The following KIF21B variants were observed in gnomAD, a reference collection of about 807,000 sequenced individuals.
The protein encoded by KIF21B is kinesin-like protein KIF21B.
KIF21B carries 85 observed loss-of-function variants against 192.9 expected under a neutral mutation model. The ratio of observed to expected loss-of-function variants is 0.44; its 90% CI spans 0.37 to 0.53. The LOEUF (loss-of-function observed/expected upper bound fraction) is 0.53, where lower values mean the gene tolerates loss of function less well. Ranked by LOEUF, KIF21B falls within the 20% of genes least tolerant of loss-of-function variation. The pLI, the probability that KIF21B is intolerant of heterozygous loss-of-function variation, is 0.00. For missense variants in KIF21B, 1,716 were observed against 2,194.8 expected (o/e 0.78, Z 4.36); for synonymous variants, 832 against 884.6 (o/e 0.94, Z 1.05).
At position 200,999,779 on chromosome 1, in the gene KIF21B, A is replaced by G; in HGVS notation, c.1767+104T>C. ...CAAGGATCAACTGGATGCAGACCCA[A>G]CCGCCTCCTTCACTCCATACAAGGA... is the stretch of plus-strand genomic sequence containing the variant. On this transcript the variant is annotated intron_variant, in intron 12 of 34. Transcript: ENST00000461742. This position sits in a 1 kb window ranked among gnomAD's most constrained non-coding sequence, Gnocchi z 4.7. 1 of 1,156,964 alleles carries G rather than the reference A, an allele frequency of 8.6e-7. No homozygotes were observed. Among genetic ancestry groups the G allele is most frequent in the Non-Finnish European group, 1.3e-6 (1 of 776,852 alleles). The allele number at this position is 1,156,964 out of a possible 1,614,324, so 71.7% of individuals were successfully genotyped here. A position where few individuals can be genotyped will look rare whatever the true frequency, so the allele number is the denominator to read the frequency against.
chr1:201,010,001 C>T (rs1009403805), intron 1 of KIF21B, among the ~76,000 whole-genome samples: 3 of 152,172 alleles, frequency 2.0e-5, no homozygotes, highest in African/African-American at 7.2e-5. Flanking sequence ...AAGCACAGGG[C>T]CAGGGCGGGG....
intron 27 of KIF21B, 66 bp downstream of exon 27, chr1:200,984,793 G>A (rs1362513134): frequency 3.2e-6 from 4 of 1,243,770 alleles, no homozygotes; most frequent in Non-Finnish European, 3.3e-6. Context: ...CTCCAGCAAG[G>A]ACCATCCACA....
At chr1:200,974,299 C>A in intron 34 of KIF21B, 1 of 1,348,912 alleles carries the variant, frequency 7.4e-7, no homozygotes, top group South Asian at 1.5e-5. Context: ...CCATCTGAGT[C>A]GCACCCCATG....
rs778478640 is a variant in KIF21B at position 201,000,757 on chromosome 1, C to T, written c.1426G>A (p.Ala476Thr). Residue 476 changes from alanine (A) to threonine (T), a missense_variant, in exon 10 of 35, where the codon GCG becomes ACG. Physicochemically the swap from Ala to Thr is moderately conservative, Grantham distance 58. This residue lies in a region of KIF21B where 1,087 missense variants were observed against 1,316.6 expected (regional missense o/e 0.83). Transcript: ENST00000461742. This position sits in a 1 kb window ranked among gnomAD's most constrained non-coding sequence, Gnocchi z 6.0. ...TCCCGGATGTAGTTCTGGATCAGCG[C>T]ACCAATGGCCTCATTGCCATCGCCT... Reference protein sequence around the residue: ...KAGDGNEAIGALIQNYIREIE... With the variant: ...KAGDGNEAIGTLIQNYIREIE... The T allele has an allele frequency of 2.0e-5, 33 of 1,614,244 alleles. No individual in the cohort carries two copies. The highest frequency in any genetic ancestry group is 2.8e-5 in the Non-Finnish European group (33 of 1,180,030).
intron 16 of KIF21B, among the ~76,000 whole-genome samples, 181 bp from the exon 17 acceptor site, chr1:200,991,906 C>T (rs962735338): frequency 3.9e-5 from 6 of 152,278 alleles, no homozygotes; most frequent in African/African-American, 1.2e-4. Context: ...GCAGTGAAAA[C>T]TGCTTTCTCC....
At chr1:200,979,499 C>A (rs1655773829) in intron 30 of KIF21B, 36 bp downstream of exon 30, 1 of 1,489,572 alleles carries the variant, frequency 6.7e-7, no homozygotes, top group Non-Finnish European at 9.0e-7. Flanking sequence ...CAGCCTGCTG[C>A]AGCCGACCAC....
At position 200,991,736 on chromosome 1, in the gene KIF21B, CAG is replaced by C; in HGVS notation, c.2386-13_2386-12del. The C allele has an allele frequency of 6.2e-7, 1 of 1,613,860 alleles. No individual in the cohort carries two copies. Among genetic ancestry groups the C allele is most frequent in the Non-Finnish European group, 8.5e-7 (1 of 1,179,902 alleles). On this transcript the variant is annotated splice_polypyrimidine_tract_variant and intron_variant, in intron 16 of 34. Coordinates refer to ENST00000461742, the MANE Select transcript of KIF21B (RefSeq NM_001252102.2). ...AGCTCGGATCTGAAACTGTGGGAGACAGAAGAGGGCTGGGCTCCACACTCAGG... is the reference window on the plus strand; with the variant it reads ...AGCTCGGATCTGAAACTGTGGGAGACAAGAGGGCTGGGCTCCACACTCAGG...
chr1:200,991,507 C>A, intron 17 of KIF21B, 150 bp downstream of exon 17: 1 of 789,540 alleles, frequency 1.3e-6, no homozygotes. Flanking sequence ...CTTGCTTCCC[C>A]TCCCTGCCGG....
intron 9 of KIF21B, chr1:201,001,894 C>T (rs1657519657): frequency 2.0e-6 from 1 of 495,454 alleles, no homozygotes; most frequent in African/African-American, 1.9e-5. Flanking sequence ...GTAGAGAGGG[C>T]TTGGGGTGGA....
At position 201,008,772 on chromosome 1, in the gene KIF21B, C is replaced by A. The variant is rs1658059820; in HGVS notation, c.444G>T (p.Leu148=). ...GPEFKVSAQF[L]ELYNEEILDL... is the part of the protein sequence containing the mutation. ...CCACCCTATGGGGCCACAGTACCTC[C>A]AGAAACTGGGCGCTGACTTTGAACT... The change falls in exon 3 of 35, where the codon CTG becomes CTT. Residue 148 remains leucine, a synonymous_variant. Coordinates refer to ENST00000461742, the MANE Select transcript of KIF21B (RefSeq NM_001252102.2). The A allele has an allele frequency of 6.3e-7, 1 of 1,596,592 alleles. No individual in the cohort carries two copies. The highest frequency in any genetic ancestry group is 1.7e-5 in the Admixed American group (1 of 59,516).
intron 14 of KIF21B, among the ~76,000 whole-genome samples, chr1:200,997,494 C>A (rs1657145958): frequency 6.6e-6 from 1 of 152,228 alleles, no homozygotes; most frequent in Non-Finnish European, 1.5e-5. Context: ...CCTGTAATCC[C>A]AGCACTTTGG....
Position 200,987,029 on chromosome 1 carries a change from C to T in KIF21B, c.3581G>A (p.Arg1194His), listed in dbSNP as rs375407145. 87 of 1,613,930 alleles carry T rather than the reference C, an allele frequency of 5.4e-5. No individual in the cohort carries two copies. The highest frequency in any genetic ancestry group is 4.0e-5 in the African/African-American group (3 of 74,870). Residue 1194 changes from arginine (R) to histidine (H), a missense_variant, in exon 25 of 35, where the codon CGC becomes CAC. This residue lies in a region of KIF21B where 580 missense variants were observed against 775.5 expected (regional missense o/e 0.75). Transcript: ENST00000461742. ...RDPYYRDRVS[R>H]TVSLPTRGST... ...GCCCCGGGTAGGCAGACTGACGGTG[C>T]GCGAGACCCTGTCCCGGTAATAGGG... is the stretch of plus-strand genomic sequence containing the variant.
chr1:201,013,500 G>A (rs984357994), intron 1 of KIF21B, among the ~76,000 whole-genome samples: 2 of 152,164 alleles, frequency 1.3e-5, no homozygotes, highest in South Asian at 2.1e-4. Flanking sequence ...TGGGAGGGGG[G>A]TCAAGGATCT....
At chr1:200,981,265 C>A (rs187090542) in intron 28 of KIF21B, among the ~76,000 whole-genome samples, 169 bp from the exon 29 acceptor site, 1 of 152,234 alleles carries the variant, frequency 6.6e-6, no homozygotes, top group Non-Finnish European at 1.5e-5. Context: ...GAGCCGGGAA[C>A]GGGCTACACA....
Position 201,008,845 on chromosome 1 carries a change from A to G in KIF21B, c.371T>C (p.Ile124Thr). 1 of 1,610,004 alleles carries G rather than the reference A, an allele frequency of 6.2e-7. No homozygotes were observed. The highest frequency in any genetic ancestry group is 8.5e-7 in the Non-Finnish European group (1 of 1,179,988). Residue 124 changes from isoleucine (I) to threonine (T), a missense_variant, in exon 3 of 35, where the codon ATT becomes ACT. Physicochemically the swap from Ile to Thr is moderately conservative, Grantham distance 89. This residue lies in a region of KIF21B where 1,087 missense variants were observed against 1,316.6 expected (regional missense o/e 0.83). Coordinates refer to ENST00000461742, the MANE Select transcript of KIF21B (RefSeq NM_001252102.2). ...CTGTGCCCGGCGCTTGCGCTCGGCA[A>G]TGCCCCCAAAGAGGTGTGCGATGGC... ...PRAIAHLFGGIAERKRRAQEQ... is the reference protein window; with the variant it reads ...PRAIAHLFGGTAERKRRAQEQ...
chr1:200,981,149 C>T, intron 28 of KIF21B, 53 bp from the exon 29 acceptor site: 1 of 1,548,398 alleles, frequency 6.5e-7, no homozygotes, highest in South Asian at 1.2e-5. Flanking sequence ...GAGACTGTGG[C>T]CAGGCTGATC....
intron 15 of KIF21B, among the ~76,000 whole-genome samples, chr1:200,995,953 C>A (rs530010989): frequency 1.3e-5 from 2 of 152,262 alleles, no homozygotes; most frequent in Non-Finnish European, 2.9e-5. Context: ...CTGAACACGA[C>A]CCCTGTGCAC....
chr1:201,009,089 C>T, intron 2 of KIF21B, 138 bp from the exon 3 acceptor site: 5 of 1,213,154 alleles, frequency 4.1e-6, no homozygotes, highest in Non-Finnish European at 5.7e-6. Context: ...TGAAGCCACA[C>T]TCTGGGGAAA....
At chr1:200,983,898 G>A (rs1656114296) in intron 27 of KIF21B, among the ~76,000 whole-genome samples, 1 of 152,194 alleles carries the variant, frequency 6.6e-6, no homozygotes, top group Non-Finnish European at 1.5e-5. Context: ...CCCAGGAAGG[G>A]GCATTTCTGT....
Sources: allele counts gnomAD v4.1 joint callset (sites outside exome capture counted in the v4.1 genomes callset), GRCh38; gene constraint gnomAD v4.1.1; regional missense constraint gnomAD v4.1.1; non-coding constraint Gnocchi (gnomAD v3.1); transcripts MANE v1.5; gene names NCBI Gene and HGNC (gene_info 2026-07-23, HGNC 2026-07-21).